Variants in WDR4 observed in about 807,000 individuals in gnomAD.
WDR4 encodes the protein tRNA (guanine-N(7)-)-methyltransferase non-catalytic subunit WDR4.
A neutral mutation model predicts 48.6 loss-of-function variants in WDR4; 47 were observed. The ratio of observed to expected loss-of-function variants is 0.97; its 90% CI spans 0.77 to 1.23. The LOEUF (loss-of-function observed/expected upper bound fraction) is 1.23, where lower values mean the gene tolerates loss of function less well. WDR4 is among the 50% of genes most tolerant of loss of function. WDR4 has a pLI of 0.00. For synonymous variants in WDR4, 268 were observed against 230.0 expected (o/e 1.17, Z -1.49); for missense variants, 606 against 551.6 (o/e 1.10, Z -0.99).
chr21:42,875,239 C>T (rs767124115), intron 2 of WDR4, among the ~76,000 whole-genome samples: 6 of 152,060 alleles, frequency 3.9e-5, no homozygotes, highest in Non-Finnish European at 5.9e-5. Flanking sequence ...GGCGAAACCA[C>T]GTCTCTACAA....
chr21:42,853,698 G>T lies in WDR4; in HGVS notation c.846C>A (p.Tyr282Ter). 6.3e-7 allele frequency: 1 copy of T among 1,575,680 alleles called. No homozygotes were observed. The highest frequency in any genetic ancestry group is 8.6e-7 in the Non-Finnish European group (1 of 1,160,934). ...GGTGCTGGAACGCCAGCTGCTGCCT[G>T]TACACCAACTGCTGTCTGCGGGCGT... ...QLDARRQQLV[Y>*]RQQLAFQHQV... The change falls in exon 9 of 11, where the codon TAC (tyrosine) becomes TAA (stop). Residue 282 changes from tyrosine to a stop codon, truncating the protein, a stop_gained. Transcript: ENST00000398208. LOFTEE classifies it high-confidence loss of function.
the WDR4 span, among the ~76,000 whole-genome samples, chr21:42,885,967 T>TTA: frequency 6.6e-6 from 1 of 151,062 alleles, no homozygotes; most frequent in Non-Finnish European, 1.5e-5. Flanking sequence ...TTTTTTTTTT[T>TTA]TTTTTTTTTG....
At chr21:42,878,936 A>C (rs1331555312) in intron 1 of WDR4, 2 of 986,954 alleles carry the variant, frequency 2.0e-6, no homozygotes, top group East Asian at 1.1e-4. Context: ...CTGCAAAAAG[A>C]GGGAGCGCGC....
chr21:42,879,707 A>G (rs984146172), upstream of WDR4: 6 of 563,062 alleles, frequency 1.1e-5, no homozygotes, highest in African/African-American at 3.8e-5. Context: ...CGGGTTTGGC[A>G]GTTCACTCAC....
rs141984007 is a variant in WDR4 at position 42,863,029 on chromosome 21, C to T, written c.453+411G>A. Among the ~76,000 whole-genome samples the T allele has an allele frequency of 4.5e-3, 678 of 152,270 alleles. 6 individuals are homozygous for T. The highest frequency in any genetic ancestry group is 9.7e-3 in the African/African-American group (401 of 41,552). On this transcript the variant is annotated intron_variant, in intron 4 of 10. Coordinates refer to ENST00000398208, the MANE Select transcript of WDR4 (RefSeq NM_018669.6). ...CTGGCACAGCTCCCGGCCAAGGAGGCGGAGCCAGAGGCTCGTGGCTGCACC... is the reference window on the plus strand; with the variant it reads ...CTGGCACAGCTCCCGGCCAAGGAGGTGGAGCCAGAGGCTCGTGGCTGCACC...
intron 6 of WDR4, 110 bp downstream of exon 6, chr21:42,859,552 A>AGACAGCCAGGG: frequency 6.4e-6 from 4 of 625,480 alleles, no homozygotes; most frequent in South Asian, 2.0e-5. Context: ...GGACAGCCAC[A>AGACAGCCAGGG]GCCAGCCAGG....
chr21:42,864,405 C>A (rs943662503), intron 3 of WDR4, among the ~76,000 whole-genome samples: 4 of 152,166 alleles, frequency 2.6e-5, no homozygotes, highest in Non-Finnish European at 5.9e-5. Flanking sequence ...CCCTGCTGCT[C>A]GTTCTGCTGC....
In WDR4 at chr21:42,862,445, G is replaced by C; in HGVS notation, c.454-51C>G. 3 of 1,501,268 alleles carry C rather than the reference G, an allele frequency of 2.0e-6. No homozygotes were observed. Among genetic ancestry groups the C allele is most frequent in the Non-Finnish European group, 2.7e-6 (3 of 1,104,786 alleles). 93.0% of individuals were successfully genotyped at this position (1,501,268 alleles called of 1,614,324 possible). ...AAAAGCCGCTCACCTGAGTCTTCCC[G>C]AATCAAGTCCCTCATGGAAGAAGGC... On this transcript the variant is annotated intron_variant, in intron 4 of 10. Transcript: ENST00000398208. The surrounding 1 kb of genome is among the most constrained non-coding windows in gnomAD (Gnocchi z 4.3).
At chr21:42,881,050 C>A (rs193205684), upstream of WDR4, among the ~76,000 whole-genome samples, 366 of 152,112 alleles carry the variant, frequency 2.4e-3, no homozygotes, top group Non-Finnish European at 3.9e-3. Context: ...GGACTACAGG[C>A]GCCCGCCACC....
upstream of WDR4, among the ~76,000 whole-genome samples, chr21:42,882,520 C>G (rs1369668245): frequency 6.6e-6 from 1 of 151,604 alleles, no homozygotes; most frequent in African/African-American, 2.4e-5. Context: ...CCAAGATCAC[C>G]CATTGCATTC....
At chr21:42,891,453 T>C in the WDR4 span, among the ~76,000 whole-genome samples, 5 of 152,010 alleles carry the variant, frequency 3.3e-5, no homozygotes, top group African/African-American at 1.2e-4. Flanking sequence ...GTGTTGCAAC[T>C]CCAGCAAGAT....
chr21:42,858,610 G>T (rs2058047172), intron 6 of WDR4, among the ~76,000 whole-genome samples: 1 of 152,216 alleles, frequency 6.6e-6, no homozygotes, highest in African/African-American at 2.4e-5. Flanking sequence ...TAAGCCATGA[G>T]GGACAGATGG....
intron 9 of WDR4, 82 bp downstream of exon 9, chr21:42,853,487 C>G: frequency 6.8e-7 from 1 of 1,463,336 alleles, no homozygotes; most frequent in Admixed American, 2.3e-5. Context: ...ACCCATGGAC[C>G]CAAAAAACAT....
chr21:42,857,406 G>A (rs528100455), intron 6 of WDR4, among the ~76,000 whole-genome samples: 11 of 152,188 alleles, frequency 7.2e-5, no homozygotes, highest in African/African-American at 2.6e-4. Context: ...AGCCCCTCGG[G>A]CCCCACCCTG....
chr21:42,859,595 G>GTGGGCCC, intron 6 of WDR4, 67 bp downstream of exon 6: 2 of 756,198 alleles, frequency 2.6e-6, no homozygotes, highest in Non-Finnish European at 4.7e-6. Flanking sequence ...GGTCCAGGAG[G>GTGGGCCC]CGCCCACCCC....
downstream of WDR4, among the ~76,000 whole-genome samples, chr21:42,849,028 T>TCACACA (rs1225779447): frequency 1.5e-5 from 1 of 68,782 alleles, no homozygotes. Context: ...ACCGCGCACC[T>TCACACA]CACACACACA....
At chr21:42,857,901 G>A (rs1291594818) in intron 6 of WDR4, among the ~76,000 whole-genome samples, 1 of 152,104 alleles carries the variant, frequency 6.6e-6, no homozygotes, top group Non-Finnish European at 1.5e-5. Flanking sequence ...GACCAGCCTG[G>A]CCAAGCTGGC....
the WDR4 span, among the ~76,000 whole-genome samples, chr21:42,889,559 G>A: frequency 6.6e-6 from 1 of 152,146 alleles, no homozygotes; most frequent in Admixed American, 6.5e-5. Context: ...TGTTACACCA[G>A]AGCTCTGGCT....
rs2057761787 is a variant in WDR4, at chr21:42,849,498, C to G, written c.*551G>C. Reference sequence around the variant, plus strand: ...ACTCCGAAACGTGTTTCTCACTTCCCACAAGGGAGCCACTCTCCAGGAGCA... The same window carrying G: ...ACTCCGAAACGTGTTTCTCACTTCCGACAAGGGAGCCACTCTCCAGGAGCA... On this transcript the variant is annotated 3_prime_UTR_variant, in exon 11 of 11. Transcript: ENST00000398208. The G allele has an allele frequency of 6.6e-6, 1 of 152,500 alleles. No homozygotes were observed. Among genetic ancestry groups the G allele is most frequent in the East Asian group, 1.9e-4 (1 of 5,202 alleles). 9.4% of individuals were successfully genotyped at this position (152,500 alleles called of 1,614,324 possible). A position where few individuals can be genotyped will look rare whatever the true frequency, so the allele number is the denominator to read the frequency against.
Sources: gnomAD v4.1 joint callset for allele counts (sites outside exome capture counted in the v4.1 genomes callset) on GRCh38, gnomAD v4.1.1 for gene constraint, Gnocchi (gnomAD v3.1) non-coding constraint, MANE v1.5 for transcripts, NCBI Gene and HGNC (gene_info 2026-07-23, HGNC 2026-07-21) for gene names.